The following MNAT1 variants were observed in gnomAD, a reference collection of about 807,000 sequenced individuals.
MNAT1 encodes MNAT1 component of CDK activating kinase.
Under a neutral mutation model 42.0 loss-of-function variants are expected in MNAT1, and 43 were observed. That is an observed-to-expected ratio of 1.02 (90% CI 0.80 to 1.32). The LOEUF (loss-of-function observed/expected upper bound fraction) is 1.32, where lower values mean the gene tolerates loss of function less well. Ranked by LOEUF, MNAT1 falls within the 40% of genes most tolerant of loss-of-function variation. The probability of loss-of-function intolerance (pLI) is 0.00; values close to 1 mark genes in which losing one functional copy is unlikely to be tolerated. For synonymous variants in MNAT1, 118 were observed against 120.0 expected, an observed-to-expected ratio of 0.98 and a Z score of 0.11; for missense variants, 306 against 350.4, an observed-to-expected ratio of 0.87 and a Z score of 1.01.
chr14:60,955,847 A>G (rs2036478594), intron 7 of MNAT1, among the ~76,000 whole-genome samples: 1 of 151,882 alleles, frequency 6.6e-6, no homozygotes, highest in South Asian at 2.1e-4. Context: ...TGTGGCCTCA[A>G]TTGTAATATC....
intron 3 of MNAT1, among the ~76,000 whole-genome samples, chr14:60,802,632 T>G (rs2032241542): frequency 6.6e-6 from 1 of 152,146 alleles, no homozygotes; most frequent in Non-Finnish European, 1.5e-5. Context: ...TGGGGATAGA[T>G]AAAGAGGATA....
intron 6 of MNAT1, among the ~76,000 whole-genome samples, chr14:60,819,941 T>A (rs957126772): frequency 6.6e-6 from 1 of 152,196 alleles, no homozygotes; most frequent in African/African-American, 2.4e-5. Context: ...GGTTAGTTTT[T>A]ATTGATAATA....
intron 1 of MNAT1, among the ~76,000 whole-genome samples, chr14:60,785,597 C>G (rs2031622485): frequency 6.6e-6 from 1 of 152,184 alleles, no homozygotes; most frequent in Non-Finnish European, 1.5e-5. Flanking sequence ...GCCCCACATT[C>G]TCTGTATGGA....
intron 6 of MNAT1, among the ~76,000 whole-genome samples, chr14:60,846,852 A>C (rs562770732): frequency 6.6e-6 from 1 of 152,192 alleles, no homozygotes; most frequent in Non-Finnish European, 1.5e-5. Flanking sequence ...TAGTTACATC[A>C]TGTTGCTTGA....
chr14:60,785,365 C>A (rs560934442), intron 1 of MNAT1, among the ~76,000 whole-genome samples: 2 of 152,202 alleles, frequency 1.3e-5, no homozygotes, highest in African/African-American at 4.8e-5. Context: ...TTGAAACAAT[C>A]TGGGGAACGG....
intron 6 of MNAT1, among the ~76,000 whole-genome samples, chr14:60,871,478 C>A (rs190627923): frequency 6.6e-6 from 1 of 152,278 alleles, no homozygotes; most frequent in Non-Finnish European, 1.5e-5. Context: ...TGGTTGTTGT[C>A]ATTCAAGTGA....
chr14:60,830,753 A>G (rs942768764), intron 6 of MNAT1, among the ~76,000 whole-genome samples: 18 of 149,514 alleles, frequency 1.2e-4, no homozygotes, highest in African/African-American at 4.4e-4. Flanking sequence ...TAATTCCTAT[A>G]CAATTTTTAT....
chr14:60,910,829 C>G (rs962097505), intron 7 of MNAT1, among the ~76,000 whole-genome samples: 1 of 152,178 alleles, frequency 6.6e-6, no homozygotes, highest in African/African-American at 2.4e-5. Flanking sequence ...CAGGATGATG[C>G]TGGCCTCATA....
intron 5 of MNAT1, among the ~76,000 whole-genome samples, chr14:60,816,397 C>T (rs1389884241): frequency 2.0e-5 from 3 of 151,976 alleles, no homozygotes; most frequent in Middle Eastern, 3.2e-3. Context: ...TTTGAAAATT[C>T]GCTTCAGTTT....
chr14:60,872,826 A>G (rs534507267), intron 6 of MNAT1, among the ~76,000 whole-genome samples: 1 of 142,956 alleles, frequency 7.0e-6, no homozygotes, highest in South Asian at 2.2e-4. Context: ...GTATTACATC[A>G]CACACACATA....
At chr14:60,767,102 C>T (rs1456912614) in intron 1 of MNAT1, among the ~76,000 whole-genome samples, 3 of 152,170 alleles carry the variant, frequency 2.0e-5, no homozygotes, top group Non-Finnish European at 4.4e-5. Flanking sequence ...AATATAGGAA[C>T]AGCTCAGGGA....
chr14:60,764,010 A>T (rs1461261086), intron 1 of MNAT1, among the ~76,000 whole-genome samples: 1 of 152,164 alleles, frequency 6.6e-6, no homozygotes, highest in Non-Finnish European at 1.5e-5. Context: ...TGTTTAATGC[A>T]GGTATTGGTG....
At chr14:60,883,839 G>A (rs1260035545) in intron 7 of MNAT1, among the ~76,000 whole-genome samples, 1 of 151,926 alleles carries the variant, frequency 6.6e-6, no homozygotes, top group East Asian at 1.9e-4. Context: ...TTGTAAATGG[G>A]ATTACTTTCT....
At chr14:60,911,030 A>C (rs35719600) in intron 7 of MNAT1, among the ~76,000 whole-genome samples, 3 of 152,020 alleles carry the variant, frequency 2.0e-5, no homozygotes, top group Non-Finnish European at 2.9e-5. Context: ...CAGAGATTCA[A>C]CTTCTTCCTG....
chr14:60,944,982 A>G (rs2036243669), intron 7 of MNAT1, among the ~76,000 whole-genome samples: 1 of 152,224 alleles, frequency 6.6e-6, no homozygotes, highest in Non-Finnish European at 1.5e-5. Flanking sequence ...TGATTATAGC[A>G]GTTTCCCAAA....
intron 7 of MNAT1, among the ~76,000 whole-genome samples, chr14:60,918,641 GAC>G (rs1366077465): frequency 1.3e-5 from 2 of 151,364 alleles, no homozygotes; most frequent in Non-Finnish European, 2.9e-5. Context: ...AAAGGATGTT[GAC>G]ACACGTACTT....
intron 7 of MNAT1, among the ~76,000 whole-genome samples, chr14:60,899,213 A>G (rs1478651821): frequency 6.6e-6 from 1 of 152,174 alleles, no homozygotes; most frequent in South Asian, 2.1e-4. Context: ...AAAGATATAG[A>G]TGCACGTACT....
intron 7 of MNAT1, among the ~76,000 whole-genome samples, chr14:60,890,594 G>T (rs1316961417): frequency 2.6e-5 from 4 of 152,208 alleles, no homozygotes; most frequent in Admixed American, 6.5e-5. Context: ...AGCCGACAGA[G>T]CAGCCTTCAG....
intron 6 of MNAT1, among the ~76,000 whole-genome samples, chr14:60,844,110 C>G (rs1296222372): frequency 7.1e-6 from 1 of 140,632 alleles, no homozygotes; most frequent in African/African-American, 2.6e-5. Flanking sequence ...AGGTCTATTT[C>G]TGTTTTCCTT....
Sources: allele counts gnomAD v4.1 joint callset (sites outside exome capture counted in the v4.1 genomes callset), GRCh38; gene constraint gnomAD v4.1.1; transcripts MANE v1.5; gene names NCBI Gene and HGNC (gene_info 2026-07-23, HGNC 2026-07-21).